The following IGSF10 variants were observed in gnomAD, a reference collection of about 807,000 sequenced individuals.
The protein encoded by IGSF10 is immunoglobulin superfamily member 10, also known as calvaria mechanical force protein 608.
Under a neutral mutation model 128.2 loss-of-function variants are expected in IGSF10, and 126 were observed. The observed-to-expected ratio is 0.98, with a 90% confidence interval of 0.85 to 1.14. The LOEUF (loss-of-function observed/expected upper bound fraction) is 1.14. Ranked by LOEUF, IGSF10 falls within the 50% of genes most tolerant of loss-of-function variation. The probability of loss-of-function intolerance (pLI) is 0.00; values close to 1 mark genes in which losing one functional copy is unlikely to be tolerated. For synonymous variants in IGSF10, 1,185 were observed against 1,146.2 expected (o/e 1.03, Z -0.68); for missense variants, 3,295 against 3,149.8 (o/e 1.05, Z -1.10).
At chr3:151,491,326 C>G in the IGSF10 span, among the ~76,000 whole-genome samples, 1 of 152,118 alleles carries the variant, frequency 6.6e-6, no homozygotes, top group Non-Finnish European at 1.5e-5. Flanking sequence ...CCTGTAATCC[C>G]AGCACTTTGG....
At chr3:151,602,785 A>G in the IGSF10 span, among the ~76,000 whole-genome samples, 2 of 152,148 alleles carry the variant, frequency 1.3e-5, no homozygotes, top group African/African-American at 4.8e-5. Context: ...TCTGAACATT[A>G]TTGGGACAAG....
the IGSF10 span, among the ~76,000 whole-genome samples, chr3:151,492,595 G>A: frequency 6.6e-6 from 1 of 152,102 alleles, no homozygotes; most frequent in East Asian, 1.9e-4. Flanking sequence ...GCGCATGCCT[G>A]TAATACCAGC....
At chr3:151,489,315 T>C in the IGSF10 span, among the ~76,000 whole-genome samples, 59 of 151,954 alleles carry the variant, frequency 3.9e-4, no homozygotes, top group Non-Finnish European at 1.3e-4. Context: ...CATTAAAAAG[T>C]AGGAAACAAC....
At chr3:151,556,408 T>A in the IGSF10 span, among the ~76,000 whole-genome samples, 1 of 152,318 alleles carries the variant, frequency 6.6e-6, no homozygotes, top group Non-Finnish European at 1.5e-5. Flanking sequence ...ATGGGAGTTT[T>A]GATGAAACAG....
In IGSF10 at chr3:151,445,054, A is replaced by G. The variant is rs1287173994; in HGVS notation, c.4927T>C (p.Tyr1643His). The change falls in exon 6 of 8, where the codon TAT becomes CAT. Residue 1643 changes from tyrosine to histidine, a missense_variant. Transcript: ENST00000282466. Reference protein sequence around the residue: ...KLLPFDSLSRYIFEKPRIVGG... With the variant: ...KLLPFDSLSRHIFEKPRIVGG... ...ACTATCCTGGGCTTTTCAAATATATACCTAGACAAAGAGTCAAAGGGAAGG... is the reference window on the plus strand; with the variant it reads ...ACTATCCTGGGCTTTTCAAATATATGCCTAGACAAAGAGTCAAAGGGAAGG... The G allele has an allele frequency of 6.2e-7, 1 of 1,614,142 alleles. No homozygotes were observed. The highest frequency in any genetic ancestry group is 8.5e-7 in the Non-Finnish European group (1 of 1,180,016).
chr3:151,482,964 C>A, the IGSF10 span, among the ~76,000 whole-genome samples: 4 of 150,896 alleles, frequency 2.7e-5, no homozygotes, highest in Non-Finnish European at 2.9e-5. Context: ...ATCTGTTATT[C>A]AAAAATGAAG....
At chr3:151,496,538 G>T in the IGSF10 span, among the ~76,000 whole-genome samples, 1 of 57,418 alleles carries the variant, frequency 1.7e-5, no homozygotes, top group Non-Finnish European at 3.2e-5. Flanking sequence ...ATTTTTTATG[G>T]CTGCATAGTA....
the IGSF10 span, among the ~76,000 whole-genome samples, chr3:151,485,262 A>C: frequency 2.0e-5 from 3 of 152,168 alleles, no homozygotes; most frequent in Non-Finnish European, 4.4e-5. Flanking sequence ...AAAAAGAGTG[A>C]AAAGAAATGA....
At chr3:151,518,852 A>G in the IGSF10 span, among the ~76,000 whole-genome samples, 4 of 152,022 alleles carry the variant, frequency 2.6e-5, no homozygotes, top group East Asian at 7.7e-4. Flanking sequence ...AGAGTACGCT[A>G]GTATTTTGAG....
chr3:151,554,089 C>T, the IGSF10 span, among the ~76,000 whole-genome samples: 1 of 151,468 alleles, frequency 6.6e-6, no homozygotes, highest in Non-Finnish European at 1.5e-5. Context: ...GAAGCTGCAG[C>T]GAGCTGTGAT....
the IGSF10 span, chr3:151,499,580 T>C: frequency 6.6e-6 from 1 of 152,088 alleles, no homozygotes; most frequent in Non-Finnish European, 1.5e-5. Flanking sequence ...AGAATTGTGT[T>C]CATAATGGAT....
At chr3:151,467,750 G>T in the IGSF10 span, among the ~76,000 whole-genome samples, 1 of 152,006 alleles carries the variant, frequency 6.6e-6, no homozygotes. Context: ...CGGGCGAGGT[G>T]GCGGGCACCT....
At chr3:151,547,429 TACACACAC>T in the IGSF10 span, among the ~76,000 whole-genome samples, 6 of 146,958 alleles carry the variant, frequency 4.1e-5, no homozygotes, top group East Asian at 4.0e-4. Context: ...AATATATATA[TACACACAC>T]ACACACACAC....
chr3:151,614,335 G>T, the IGSF10 span, among the ~76,000 whole-genome samples: 1 of 152,126 alleles, frequency 6.6e-6, no homozygotes, highest in African/African-American at 2.4e-5. Context: ...ATACCCAAAG[G>T]ACTATAAATC....
chr3:151,614,347 T>C, the IGSF10 span, among the ~76,000 whole-genome samples: 13 of 152,198 alleles, frequency 8.5e-5, no homozygotes, highest in Non-Finnish European at 1.8e-4. Flanking sequence ...CTATAAATCA[T>C]GCTGCTATAA....
the IGSF10 span, among the ~76,000 whole-genome samples, chr3:151,548,183 C>T: frequency 1.5e-4 from 23 of 152,202 alleles, no homozygotes; most frequent in Non-Finnish European, 2.6e-4. Context: ...CACTTGTTTG[C>T]GGAACCCTAA....
rs574663596 is a variant in IGSF10 at position 151,460,935 on chromosome 3, G to T, written c.-89+11C>A. 2.7e-4 allele frequency: 266 copies of T among 985,330 alleles called. 1 individual carries two copies. The African/African-American group carries it at 4.0e-3, about 15-fold the overall frequency. 61.0% of individuals were successfully genotyped at this position (985,330 alleles called of 1,614,324 possible). On this transcript the variant is annotated intron_variant, in intron 1 of 7. Coordinates refer to ENST00000282466, the MANE Select transcript of IGSF10 (RefSeq NM_178822.5). ...AGCCCTTTCCGGGGAAGGATTGGCC[G>T]AGGCGCTCACCTGTTTGCCCTGGTG...
the IGSF10 span, among the ~76,000 whole-genome samples, chr3:151,607,851 C>A: frequency 2.3e-5 from 3 of 132,258 alleles, no homozygotes; most frequent in Non-Finnish European, 4.6e-5. Context: ...GCAGATCTTG[C>A]AGTGAGCTGA....
At chr3:151,531,585 C>T in the IGSF10 span, among the ~76,000 whole-genome samples, 1 of 152,146 alleles carries the variant, frequency 6.6e-6, no homozygotes, top group African/African-American at 2.4e-5. Context: ...TGAATGACTA[C>T]TGGTAAATAA....
Sources: allele counts gnomAD v4.1 joint callset (sites outside exome capture counted in the v4.1 genomes callset), GRCh38; gene constraint gnomAD v4.1.1; transcripts MANE v1.5; gene names NCBI Gene and HGNC (gene_info 2026-07-23, HGNC 2026-07-21).